The following HECTD4 variants were observed in gnomAD, a reference collection of about 807,000 sequenced individuals.
HECTD4 encodes probable E3 ubiquitin-protein ligase HECTD4.
In HECTD4, 114 loss-of-function variants were observed where a neutral mutation model predicts 471.5. The observed-to-expected ratio is 0.24, with a 90% CI of 0.21 to 0.28. HECTD4 has a LOEUF of 0.28. HECTD4 is among the 10% of genes least tolerant of loss of function. The probability of loss-of-function intolerance (pLI) is 1.00; values close to 1 mark genes in which losing one functional copy is unlikely to be tolerated. For synonymous variants in HECTD4, 2,012 were observed against 2,256.0 expected, an observed-to-expected ratio of 0.89 and a Z score of 3.07; for missense variants, 3,866 against 5,651.5, an observed-to-expected ratio of 0.68 and a Z score of 10.13.
rs750218317 is a variant in HECTD4, at chr12:112,239,926, G to A, written c.5060C>T (p.Ala1687Val). ...TAAGAGTCCAATGCTATTTGCGCAA[G>A]CGATAGGGTAACGAGCACACAGAGA... ...VVSLCARYPIACANSIGLLCT... is the reference protein window; with the variant it reads ...VVSLCARYPIVCANSIGLLCT... The change falls in exon 33 of 76, where the codon GCT becomes GTT. Residue 1687 changes from alanine to valine, a missense_variant. Transcript: ENST00000682272. The surrounding 1 kb of genome is among the most constrained non-coding windows in gnomAD (Gnocchi z 4.9). 1 of 1,614,042 alleles carries A rather than the reference G, an allele frequency of 6.2e-7. No individual in the cohort carries two copies.
intron 61 of HECTD4, among the ~76,000 whole-genome samples, chr12:112,183,954 G>A (rs142488233): frequency 5.9e-5 from 9 of 152,278 alleles, no homozygotes; most frequent in African/African-American, 7.2e-5. Context: ...CACCCACCGC[G>A]GAAGGCCAGG....
intron 1 of HECTD4, chr12:112,322,302 T>TATGATGG (rs2035599543): frequency 6.6e-6 from 1 of 151,948 alleles, no homozygotes; most frequent in African/African-American, 2.4e-5. Context: ...GGCCAGGAGT[T>TATGATGG]CAAGGCTGCA....
At chr12:112,273,490 C>G (rs1324381098) in intron 11 of HECTD4, among the ~76,000 whole-genome samples, 165 bp downstream of exon 11, 1 of 152,180 alleles carries the variant, frequency 6.6e-6, no homozygotes, top group Non-Finnish European at 1.5e-5. Flanking sequence ...CATAACTCAT[C>G]TTTCATGGTT....
Position 112,235,158 on chromosome 12 carries a change from T to G in HECTD4, c.5834A>C (p.Glu1945Ala). ...KGDKDPGEES[E>A]AVDGKLSIFI... ...TATCGAGAGCTTGCCATCCACAGCC[T>G]CACTCTCTTCTCCAGGATCTTTATC... The change falls in exon 37 of 76, where the codon GAG (glutamate) becomes GCG (alanine). Residue 1945 changes from glutamate to alanine, a missense_variant. Glu to Ala is a moderately radical substitution (Grantham distance 107, BLOSUM62 -1). Coordinates refer to ENST00000682272, the MANE Select transcript of HECTD4 (RefSeq NM_001388303.1). The surrounding 1 kb of genome is among the most constrained non-coding windows in gnomAD (Gnocchi z 5.0). The G allele has an allele frequency of 6.2e-7, 1 of 1,613,760 alleles. No homozygotes were observed. Among genetic ancestry groups the G allele is most frequent in the Non-Finnish European group, 8.5e-7 (1 of 1,179,792 alleles).
At chr12:112,249,095 C>T (rs954515627) in intron 25 of HECTD4, among the ~76,000 whole-genome samples, 8 of 152,146 alleles carry the variant, frequency 5.3e-5, no homozygotes, top group Non-Finnish European at 1.2e-4. Context: ...AGACTTCAGC[C>T]TGTAATCCTA....
At position 112,318,108 on chromosome 12, in the gene HECTD4, C is replaced by T. The variant is rs567152849; in HGVS notation, c.695+1117G>A. The stretch of plus-strand genomic sequence containing the variant: ...TGGCCAACATGGTGAAACCCCATCT[C>T]TACTAAAAATACAAAAAAATTAGTT... On this transcript the variant is annotated intron_variant, in intron 2 of 75. Transcript: ENST00000682272. 2.6e-5 allele frequency among the ~76,000 whole-genome samples: 4 copies of T among 151,736 alleles called. No individual in the cohort carries two copies. In the East Asian group the frequency reaches 7.8e-4, roughly 30 times the overall value.
At chr12:112,181,711 T>C (rs7958070) in intron 62 of HECTD4, among the ~76,000 whole-genome samples, 32,324 of 152,182 alleles carry the variant, frequency 0.21, 5,540 homozygotes, top group East Asian at 0.85. Context: ...CCATCTGCCT[T>C]GGCTTTCCAA....
At chr12:112,171,503 C>T (rs1242007040) in intron 67 of HECTD4, among the ~76,000 whole-genome samples, 1 of 152,150 alleles carries the variant, frequency 6.6e-6, no homozygotes, top group Non-Finnish European at 1.5e-5. Flanking sequence ...AGTCCAAGGC[C>T]CCTCATCTAC....
rs1351503830 is a variant in HECTD4, at chr12:112,173,124, G to A, written c.11595-263C>T. Among the ~76,000 whole-genome samples, 1 of 152,196 alleles carries A rather than the reference G, an allele frequency of 6.6e-6. No homozygotes were observed. Among genetic ancestry groups the A allele is most frequent in the Non-Finnish European group, 1.5e-5 (1 of 68,048 alleles). The stretch of plus-strand genomic sequence containing the variant: ...ATGCACCCACCCATGCCTCACTCCT[G>A]TGTGTCGGCAGCAGCACGTGAGGGT... On this transcript the variant is annotated intron_variant, in intron 66 of 75. Transcript: ENST00000682272. This position sits in a 1 kb window ranked among gnomAD's most constrained non-coding sequence, Gnocchi z 4.3.
At position 112,270,252 on chromosome 12, in the gene HECTD4, A is replaced by G; in HGVS notation, c.2150T>C (p.Ile717Thr). Residue 717 changes from isoleucine (I) to threonine (T), a missense_variant, in exon 12 of 76, where the codon ATA becomes ACA. This residue lies in a region of HECTD4 where 525 missense variants were observed against 672.6 expected (regional missense o/e 0.78). Transcript: ENST00000682272. Reference sequence around the variant, plus strand: ...CTGAAAGACAACGAGAATGCAGCGTATAATACAGGTATCTCCATTAACCAT... The same window carrying G: ...CTGAAAGACAACGAGAATGCAGCGTGTAATACAGGTATCTCCATTAACCAT... Reference protein sequence around the residue: ...KAMVNGDTCIIRCILVVFQVV... With the variant: ...KAMVNGDTCITRCILVVFQVV... 1.2e-6 allele frequency: 2 copies of G among 1,613,422 alleles called. No individual in the cohort carries two copies. Among genetic ancestry groups the G allele is most frequent in the Non-Finnish European group, 1.7e-6 (2 of 1,179,300 alleles).
chr12:112,176,914 A>G (rs1255213564), intron 64 of HECTD4, among the ~76,000 whole-genome samples: 9 of 152,214 alleles, frequency 5.9e-5, no homozygotes, highest in African/African-American at 1.9e-4. Context: ...TAAAACATGA[A>G]AAATCTTGTA....
At chr12:112,338,589 C>T (rs533795706) in intron 1 of HECTD4, among the ~76,000 whole-genome samples, 2 of 152,208 alleles carry the variant, frequency 1.3e-5, no homozygotes, top group Admixed American at 1.3e-4. Flanking sequence ...CACTACACTC[C>T]AGCCTGGGTG....
chr12:112,358,194 T>A (rs930866616), intron 1 of HECTD4, among the ~76,000 whole-genome samples: 12 of 152,116 alleles, frequency 7.9e-5, no homozygotes, highest in Non-Finnish European at 1.3e-4. Flanking sequence ...TAGAGCAAGA[T>A]TCTGTCTCAA....
intron 1 of HECTD4, among the ~76,000 whole-genome samples, chr12:112,326,319 A>G (rs746339806): frequency 2.6e-5 from 4 of 152,020 alleles, no homozygotes; most frequent in Non-Finnish European, 4.4e-5. Context: ...ACATGGCAAG[A>G]CAGTCTCTAC....
intron 1 of HECTD4, among the ~76,000 whole-genome samples, chr12:112,372,943 G>T (rs2036711582): frequency 6.7e-6 from 1 of 148,762 alleles, no homozygotes; most frequent in African/African-American, 2.4e-5. Flanking sequence ...TTGTTTGTAG[G>T]GAGAGAGTTT....
In HECTD4 at chr12:112,274,033, C is replaced by T. The variant is rs140060220; in HGVS notation, c.1802-238G>A. On this transcript the variant is annotated intron_variant, in intron 10 of 75. Coordinates refer to ENST00000682272, the MANE Select transcript of HECTD4 (RefSeq NM_001388303.1). ...GGAGTAAATCTCACAAAATAGATAG[C>T]TCTTAGTAACTGATTTATCTGTGAC... Among the ~76,000 whole-genome samples, 707 of 152,316 alleles carry T rather than the reference C, an allele frequency of 4.6e-3. 10 individuals carry two copies. The highest frequency in any genetic ancestry group is 0.016 in the African/African-American group (656 of 41,582).
rs1179781768 is a variant in HECTD4, at chr12:112,381,906, C to A, written c.177+46G>T. 11 of 1,201,594 alleles carry A rather than the reference C, an allele frequency of 9.2e-6. No homozygotes were observed. The highest frequency in any genetic ancestry group is 6.2e-6 in the Non-Finnish European group (6 of 963,852). The allele number at this position is 1,201,594 out of a possible 1,614,324, so 74.4% of individuals were successfully genotyped here. On this transcript the variant is annotated intron_variant, in intron 1 of 75. Coordinates refer to ENST00000682272, the MANE Select transcript of HECTD4 (RefSeq NM_001388303.1). This position sits in a 1 kb window ranked among gnomAD's most constrained non-coding sequence, Gnocchi z 4.1. ...GGGGGCCCGACCCGGGGGTGCCGGG[C>A]GAGTGGGTCAGTCCGATGGCGGGGG...
chr12:112,282,674 T>C (rs963482714), intron 8 of HECTD4, among the ~76,000 whole-genome samples: 1 of 152,194 alleles, frequency 6.6e-6, no homozygotes, highest in African/African-American at 2.4e-5. Flanking sequence ...TGTACGTGTA[T>C]TATCTATTTT....
chr12:112,266,971 T>G lies in HECTD4; in HGVS notation c.2333A>C (p.Asn778Thr), dbSNP rs1242348156. The change falls in exon 14 of 76, where the codon AAT becomes ACT. Residue 778 changes from asparagine (N) to threonine (T), a missense_variant. Physicochemically the swap from Asn to Thr is moderately conservative, Grantham distance 65. Around this residue, in one of 16 missense-constraint regions of HECTD4, gnomAD observed 525 missense variants for 672.6 expected, o/e 0.78. Coordinates refer to ENST00000682272, the MANE Select transcript of HECTD4 (RefSeq NM_001388303.1). ...TTCAGTTTCACCTGGGTACAAGATA[T>G]TTAAACCAGAGCTGAAATGACAAAA... ...EVCLAISSGL[N>T]ILYPGETEIN... The G allele has an allele frequency of 1.3e-6, 2 of 1,527,700 alleles. No individual in the cohort carries two copies. Among genetic ancestry groups the G allele is most frequent in the Non-Finnish European group, 1.8e-6 (2 of 1,124,174 alleles). 94.6% of individuals were successfully genotyped at this position (1,527,700 alleles called of 1,614,324 possible). A position where few individuals can be genotyped will look rare whatever the true frequency, so the allele number is the denominator to read the frequency against.
Sources: gnomAD v4.1 joint callset for allele counts (sites outside exome capture counted in the v4.1 genomes callset) on GRCh38, gnomAD v4.1.1 for gene constraint, gnomAD v4.1.1 regional missense constraint, Gnocchi (gnomAD v3.1) non-coding constraint, MANE v1.5 for transcripts, NCBI Gene and HGNC (gene_info 2026-07-23, HGNC 2026-07-21) for gene names.